CLEC1A: variants seen among roughly 807,000 people sequenced by gnomAD.
CLEC1A encodes C-type lectin-like receptor-1.
CLEC1A carries 34 observed loss-of-function variants against 28.7 expected under a neutral mutation model. The observed-to-expected ratio is 1.18, with a 90% confidence interval of 0.90 to 1.57. The LOEUF (loss-of-function observed/expected upper bound fraction) is 1.57. Ranked by LOEUF, CLEC1A falls within the 40% of genes most tolerant of loss-of-function variation. CLEC1A has a pLI of 0.00. For synonymous variants in CLEC1A, 116 were observed against 121.0 expected (o/e 0.96, Z 0.27); for missense variants, 385 against 339.5 (o/e 1.13, Z -1.05).
At position 10,089,208 on chromosome 12, in the gene CLEC1A, A is replaced by T. The variant is rs771238384; in HGVS notation, c.130T>A (p.Ser44Thr). 6.2e-7 allele frequency: 1 copy of T among 1,613,972 alleles called. No individual in the cohort carries two copies. The highest frequency in any genetic ancestry group is 1.7e-5 in the Admixed American group (1 of 60,010). ...EPRRTEHRAP[S>T]STWRPVALTL... ...AGGGCCACTGGTCGCCACGTTGAAG[A>T]GGGAGCCCTGTGCTCTGCAGGGAAC... Residue 44 changes from serine (S) to threonine (T), a missense_variant, in exon 2 of 6, where the codon TCT becomes ACT. Transcript: ENST00000315330.
chr12:10,086,992 G>A (rs1866506994), intron 2 of CLEC1A, among the ~76,000 whole-genome samples: 1 of 152,158 alleles, frequency 6.6e-6, no homozygotes, highest in East Asian at 1.9e-4. Flanking sequence ...GATCACCTGA[G>A]GTCGGGAGTT....
At chr12:10,072,963 C>T (rs1044082271) in intron 5 of CLEC1A, among the ~76,000 whole-genome samples, 17 of 152,036 alleles carry the variant, frequency 1.1e-4, no homozygotes, top group Admixed American at 3.9e-4. Flanking sequence ...GCCTGTAGTC[C>T]GAGCTACTCA....
chr12:10,081,360 C>G lies in CLEC1A; in HGVS notation c.268G>C (p.Glu90Gln). Residue 90 changes from glutamate (E) to glutamine (Q), a missense_variant, in exon 3 of 6, where the codon GAA (glutamate) becomes CAA (glutamine). Glu to Gln is a conservative substitution (Grantham distance 29). Coordinates refer to ENST00000315330, the MANE Select transcript of CLEC1A (RefSeq NM_016511.4). ...NTGQDTISQM[E>Q]ERLGNTSQEL... ...TGGGACGTATTTCCTAATCTTTCTT[C>G]CATTTGAGAAATGGTGTCTTGACCA... 1.2e-6 allele frequency: 2 copies of G among 1,613,050 alleles called. No homozygotes were observed. Among genetic ancestry groups the G allele is most frequent in the Non-Finnish European group, 1.7e-6 (2 of 1,179,580 alleles).
intron 1 of CLEC1A, among the ~76,000 whole-genome samples, chr12:10,090,132 A>G (rs1050891704): frequency 6.6e-6 from 1 of 152,204 alleles, no homozygotes; most frequent in Non-Finnish European, 1.5e-5. Context: ...ACCCTCAAAC[A>G]AACTGTGATC....
Position 10,073,414 on chromosome 12 carries a change from G to A in CLEC1A, c.544-3C>T, listed in dbSNP as rs201196062. 7.5e-5 allele frequency: 120 copies of A among 1,607,346 alleles called. No individual in the cohort carries two copies. Among genetic ancestry groups the A allele is most frequent in the Non-Finnish European group, 9.4e-5 (110 of 1,174,378 alleles). On this transcript the variant is annotated splice_polypyrimidine_tract_variant and splice_region_variant and intron_variant, in intron 4 of 5. Transcript: ENST00000315330. ...TAGCTCTGAGACGCGGCAAATTCCT[G>A]TGAAAAGCACATAAGAAAAGCTTTA...
intron 1 of CLEC1A, among the ~76,000 whole-genome samples, chr12:10,089,819 T>C (rs1013071342): frequency 6.6e-6 from 1 of 152,202 alleles, no homozygotes; most frequent in African/African-American, 2.4e-5. Context: ...TCATTTGATT[T>C]ATATTTTTTC....
At position 10,086,960 on chromosome 12, in the gene CLEC1A, C is replaced by T. The variant is rs984109172; in HGVS notation, c.214+2164G>A. Among the ~76,000 whole-genome samples, 32 of 152,022 alleles carry T rather than the reference C, an allele frequency of 2.1e-4. 1 individual carries two copies. The highest frequency in any genetic ancestry group is 2.6e-4 in the Admixed American group (4 of 15,264). On this transcript the variant is annotated intron_variant, in intron 2 of 5. Coordinates refer to ENST00000315330, the MANE Select transcript of CLEC1A (RefSeq NM_016511.4). ...GTGGCTCATGCCTGCAATCTCAGGA[C>T]TTTGGAAGACCGAGGCAGGTGGATC... is the stretch of plus-strand genomic sequence containing the variant.
At chr12:10,092,223 G>A (rs7953886) in intron 1 of CLEC1A, among the ~76,000 whole-genome samples, 112,421 of 152,042 alleles carry the variant, frequency 0.74, 43,705 homozygotes, top group Non-Finnish European at 0.88. Context: ...TCTGTTTTCC[G>A]CCAGGCACGG....
Position 10,073,250 on chromosome 12 carries a change from T to A in CLEC1A, c.662+43A>T, listed in dbSNP as rs759200935. The stretch of plus-strand genomic sequence containing the variant: ...TGAGCTCTATCACTCAAGCAAAATA[T>A]CTTTGTTAAATGCCTTTCCCATAAA... On this transcript the variant is annotated intron_variant, in intron 5 of 5. Coordinates refer to ENST00000315330, the MANE Select transcript of CLEC1A (RefSeq NM_016511.4). 5 of 1,454,428 alleles carry A rather than the reference T, an allele frequency of 3.4e-6. No individual in the cohort carries two copies. The African/African-American group carries it at 5.6e-5, about 16-fold the overall frequency. The allele number at this position is 1,454,428 out of a possible 1,614,324, so 90.1% of individuals were successfully genotyped here.
intron 1 of CLEC1A, among the ~76,000 whole-genome samples, chr12:10,095,867 A>G (rs1022905029): frequency 6.6e-6 from 1 of 151,076 alleles, no homozygotes; most frequent in Admixed American, 6.6e-5. Context: ...TGCTTCTACC[A>G]CTCTCTGCTA....
chr12:10,073,118 A>C (rs554049564), intron 5 of CLEC1A, among the ~76,000 whole-genome samples, 175 bp downstream of exon 5: 14 of 152,030 alleles, frequency 9.2e-5, no homozygotes, highest in Admixed American at 4.6e-4. Context: ...CACACACACA[A>C]ACAAAATGAG....
At chr12:10,077,909 C>T (rs115395381) in intron 3 of CLEC1A, among the ~76,000 whole-genome samples, 2,864 of 152,184 alleles carry the variant, frequency 0.019, 92 homozygotes, top group African/African-American at 0.065. Flanking sequence ...TCTAATCTTC[C>T]CCTTGTAGCC....
chr12:10,079,018 T>C, intron 3 of CLEC1A, among the ~76,000 whole-genome samples: 1 of 152,188 alleles, frequency 6.6e-6, no homozygotes, highest in East Asian at 1.9e-4. Flanking sequence ...GCCTGCAGAA[T>C]CATTAACCAA....
chr12:10,085,196 AACACACACACACACACAC>A (rs144572464), intron 2 of CLEC1A, among the ~76,000 whole-genome samples: 4 of 129,074 alleles, frequency 3.1e-5, no homozygotes, highest in Admixed American at 8.0e-5. Flanking sequence ...ATAAGACAAT[AACACACACACACACACAC>A]ACACACACAC....
intron 1 of CLEC1A, among the ~76,000 whole-genome samples, chr12:10,096,944 C>T (rs1947785285): frequency 6.6e-6 from 1 of 152,138 alleles, no homozygotes; most frequent in South Asian, 2.1e-4. Flanking sequence ...CTGTACTGTA[C>T]ATGCTTCTGC....
intron 2 of CLEC1A, 64 bp from the exon 3 acceptor site, chr12:10,081,477 T>C: frequency 1.5e-6 from 2 of 1,343,534 alleles, no homozygotes; most frequent in Non-Finnish European, 2.0e-6. Flanking sequence ...ATTTTCTGCT[T>C]ATGGGGAAGA....
rs183492776 is a variant in CLEC1A at position 10,089,361 on chromosome 12, C to T, written c.116-139G>A. On this transcript the variant is annotated intron_variant, in intron 1 of 5. Transcript: ENST00000315330. The stretch of plus-strand genomic sequence containing the variant: ...ACGGTAACAGGGGCTGGATAACCTG[C>T]TTTCTGTCCTCAGAAACATCATCAT... 2.9e-3 allele frequency: 1,932 copies of T among 654,920 alleles called. 4 individuals carry two copies. The highest frequency in any genetic ancestry group is 9.2e-3 in the Middle Eastern group (23 of 2,510). 40.6% of individuals were successfully genotyped at this position (654,920 alleles called of 1,614,324 possible).
At chr12:10,082,584 C>T (rs778692701) in intron 2 of CLEC1A, among the ~76,000 whole-genome samples, 19 of 152,146 alleles carry the variant, frequency 1.2e-4, no homozygotes, top group Non-Finnish European at 2.6e-4. Context: ...CACCCTGGTA[C>T]CCAAACACAA....
chr12:10,088,873 T>C lies in CLEC1A; in HGVS notation c.214+251A>G, dbSNP rs554758790. ...TAAAATAAATGATTTTTTTTAAACA[T>C]TGACATACAAACAAACAGACAAAAC... On this transcript the variant is annotated intron_variant, in intron 2 of 5. Transcript: ENST00000315330. Among the ~76,000 whole-genome samples the C allele has an allele frequency of 6.6e-5, 10 of 152,220 alleles. No individual in the cohort carries two copies. The East Asian group carries it at 9.6e-4, about 15-fold the overall frequency.
Sources: allele counts gnomAD v4.1 joint callset (sites outside exome capture counted in the v4.1 genomes callset), GRCh38; gene constraint gnomAD v4.1.1; transcripts MANE v1.5; gene names NCBI Gene and HGNC (gene_info 2026-07-23, HGNC 2026-07-21).